The following AOX1 variants were observed in gnomAD, a reference collection of about 807,000 sequenced individuals.
AOX1 encodes the protein aldehyde oxidase 1, also known as aldehyde oxidase.
AOX1 carries 153 observed loss-of-function variants against 169.5 expected under a neutral mutation model. The observed-to-expected ratio is 0.90, with a 90% CI of 0.79 to 1.03. The LOEUF (loss-of-function observed/expected upper bound fraction) is 1.03. AOX1 is among the 50% of genes least tolerant of loss of function. The pLI is 0.00. For synonymous variants in AOX1, 562 were observed against 581.9 expected, an observed-to-expected ratio of 0.97 and a Z score of 0.49; for missense variants, 1,656 against 1,663.9, an observed-to-expected ratio of 1.00 and a Z score of 0.08.
At chr2:200,678,476 C>T (rs1287878232), downstream of AOX1, 1 of 152,130 alleles carries the variant, frequency 6.6e-6, no homozygotes, top group Non-Finnish European at 1.5e-5. Flanking sequence ...AAGTCAAATA[C>T]AGTACAGCGT....
chr2:200,656,846 C>A lies in AOX1; in HGVS notation c.3080C>A (p.Ala1027Asp). 1.3e-6 allele frequency: 2 copies of A among 1,573,994 alleles called. No individual in the cohort carries two copies. The highest frequency in any genetic ancestry group is 1.2e-5 in the South Asian group (1 of 83,088). Residue 1027 changes from alanine to aspartate, a missense_variant, in exon 27 of 35, where the codon GCT (alanine) becomes GAT (aspartate). Coordinates refer to ENST00000374700, the MANE Select transcript of AOX1 (RefSeq NM_001159.4). Reference sequence around the variant, plus strand: ...GTTTTCGTCTTTTCTGCTCAGGCTGCTGCCTTGGTTCACATTTATCTTGAT... The same window carrying A: ...GTTTTCGTCTTTTCTGCTCAGGCTGATGCCTTGGTTCACATTTATCTTGAT... ...GLGSRAAGQA[A>D]ALVHIYLDGS...
At chr2:200,587,024 T>C (rs1186084114) in intron 1 of AOX1, among the ~76,000 whole-genome samples, 1 of 151,856 alleles carries the variant, frequency 6.6e-6, no homozygotes, top group Non-Finnish European at 1.5e-5. Context: ...ATCTGCACTT[T>C]GGGAGACCGA....
At position 200,586,094 on chromosome 2, in the gene AOX1, A is replaced by G. The variant is rs1289338150; in HGVS notation, c.-15A>G. ...GCCTCCCGCTCCGGGCCCTCGAACCAGCGCGGACACCACAATGGACCGGGC... is the reference window on the plus strand; with the variant it reads ...GCCTCCCGCTCCGGGCCCTCGAACCGGCGCGGACACCACAATGGACCGGGC... On this transcript the variant is annotated 5_prime_UTR_variant, in exon 1 of 35. Transcript: ENST00000374700. 9 of 1,554,110 alleles carry G rather than the reference A, an allele frequency of 5.8e-6. No homozygotes were observed. Among genetic ancestry groups the G allele is most frequent in the Non-Finnish European group, 7.8e-6 (9 of 1,150,060 alleles).
chr2:200,672,978 G>A (rs1478879313), downstream of AOX1, among the ~76,000 whole-genome samples: 1 of 152,232 alleles, frequency 6.6e-6, no homozygotes, highest in East Asian at 1.9e-4. Context: ...GAACCTGGAG[G>A]CCGCTATAAG....
At chr2:200,661,066 T>C (rs768323354) in intron 29 of AOX1, among the ~76,000 whole-genome samples, 13 of 152,190 alleles carry the variant, frequency 8.5e-5, no homozygotes, top group Non-Finnish European at 1.9e-4. Flanking sequence ...TTTTTGTGCA[T>C]AGTAGTCAGC....
At chr2:200,635,146 TA>T (rs1198470455) in intron 21 of AOX1, among the ~76,000 whole-genome samples, 3 of 152,142 alleles carry the variant, frequency 2.0e-5, no homozygotes, top group African/African-American at 7.2e-5. Flanking sequence ...CCAATAATGT[TA>T]TTTCTTCAGG....
chr2:200,597,815 T>A (rs1306905233), intron 4 of AOX1, among the ~76,000 whole-genome samples: 3 of 152,148 alleles, frequency 2.0e-5, no homozygotes, highest in Non-Finnish European at 4.4e-5. Context: ...TCCAAACTCA[T>A]AAAGAAACAA....
At chr2:200,635,938 C>A (rs1417369073) in intron 21 of AOX1, among the ~76,000 whole-genome samples, 1 of 152,000 alleles carries the variant, frequency 6.6e-6, no homozygotes, top group Non-Finnish European at 1.5e-5. Context: ...CTTTTCTCTT[C>A]ACTCTCCGTG....
In AOX1 at chr2:200,668,790, T is replaced by A. The variant is rs774474413; in HGVS notation, c.3785T>A (p.Leu1262His). ...CCTCCTTCTCAAAACTCAAATACTC[T>A]TTATTCATCTAAGGTAAGTAATGTT... ...LLPPSQNSNT[L>H]YSSKGLGESG... The change falls in exon 33 of 35, where the codon CTT becomes CAT. Residue 1262 changes from leucine to histidine, a missense_variant. Transcript: ENST00000374700. 5.0e-6 allele frequency: 8 copies of A among 1,614,028 alleles called. No individual in the cohort carries two copies. In the South Asian group the frequency reaches 7.7e-5, roughly 16 times the overall value.
intron 12 of AOX1, 146 bp from the exon 13 acceptor site, chr2:200,611,238 G>A: frequency 1.5e-6 from 1 of 655,208 alleles, no homozygotes; most frequent in Non-Finnish European, 2.7e-6. Context: ...GCATTATAGG[G>A]TAAAAGATTT....
At chr2:200,679,100 C>G (rs965532174), downstream of AOX1, among the ~76,000 whole-genome samples, 3 of 152,146 alleles carry the variant, frequency 2.0e-5, no homozygotes, top group Admixed American at 2.0e-4. Flanking sequence ...TTTCTTAATT[C>G]CAAGTAGTAG....
rs1275330840 is a variant in AOX1, at chr2:200,612,812, G to A, written c.1448+19G>A. ...TTGGAAGGTAAGGCATTAGAAGTAA[G>A]GGCTCCTCTAATACTTGTCCTTAGA... On this transcript the variant is annotated intron_variant, in intron 14 of 34. Transcript: ENST00000374700. 1 of 1,607,910 alleles carries A rather than the reference G, an allele frequency of 6.2e-7. No homozygotes were observed. Among genetic ancestry groups the A allele is most frequent in the South Asian group, 1.1e-5 (1 of 90,056 alleles).
chr2:200,678,793 A>C (rs1166944025), downstream of AOX1, among the ~76,000 whole-genome samples: 2 of 151,270 alleles, frequency 1.3e-5, no homozygotes, highest in African/African-American at 4.9e-5. Context: ...TCCTTCTGTC[A>C]TGCATCATTT....
chr2:200,660,287 A>G (rs186530612), intron 29 of AOX1, among the ~76,000 whole-genome samples: 2 of 152,342 alleles, frequency 1.3e-5, no homozygotes, highest in East Asian at 3.9e-4. Context: ...TCTGTTAGAG[A>G]AAAAGATGGT....
At chr2:200,651,581 C>G (rs1031389409) in intron 26 of AOX1, among the ~76,000 whole-genome samples, 1 of 152,130 alleles carries the variant, frequency 6.6e-6, no homozygotes, top group Non-Finnish European at 1.5e-5. Context: ...GTCCGCAATT[C>G]GGTGTCGCTG....
In AOX1 at chr2:200,666,670, C is replaced by A; in HGVS notation, c.3544-17C>A. The stretch of plus-strand genomic sequence containing the variant: ...ATTCTCATTAAAATAAACATTTTAA[C>A]TTTTTTTTAATACTAGAACATCAGA... On this transcript the variant is annotated splice_polypyrimidine_tract_variant and intron_variant, in intron 31 of 34. Transcript: ENST00000374700. 1 of 1,578,268 alleles carries A rather than the reference C, an allele frequency of 6.3e-7. No individual in the cohort carries two copies. The highest frequency in any genetic ancestry group is 8.6e-7 in the Non-Finnish European group (1 of 1,161,896).
At chr2:200,671,593 A>G (rs2036029568), downstream of AOX1, 1 of 152,246 alleles carries the variant, frequency 6.6e-6, no homozygotes, top group Admixed American at 6.5e-5. Context: ...ATGCAAATCA[A>G]AACCACAATG....
chr2:200,675,539 C>G (rs1392020351), downstream of AOX1, among the ~76,000 whole-genome samples: 2 of 152,158 alleles, frequency 1.3e-5, no homozygotes, highest in Admixed American at 6.5e-5. Flanking sequence ...TTGGATTCAG[C>G]AATGTGCATA....
intron 34 of AOX1, 50 bp downstream of exon 34, chr2:200,669,792 T>G: frequency 6.3e-7 from 1 of 1,590,130 alleles, no homozygotes; most frequent in Non-Finnish European, 8.6e-7. Flanking sequence ...TTCTGAATTT[T>G]TGGCCTCTGT....
Sources: allele counts gnomAD v4.1 joint callset (sites outside exome capture counted in the v4.1 genomes callset), GRCh38; gene constraint gnomAD v4.1.1; transcripts MANE v1.5; gene names NCBI Gene and HGNC (gene_info 2026-07-23, HGNC 2026-07-21).